Variants in RAD54B observed in about 807,000 individuals in gnomAD.
RAD54B encodes RAD54 homolog B, also known as DNA repair and recombination protein RAD54B.
A neutral mutation model predicts 95.8 loss-of-function variants in RAD54B; 78 were observed. The ratio of observed to expected loss-of-function variants is 0.81; its 90% confidence interval spans 0.68 to 0.98. The LOEUF (loss-of-function observed/expected upper bound fraction) is 0.98. RAD54B is among the 50% of genes least tolerant of loss of function. The probability of loss-of-function intolerance (pLI) is 0.00; values close to 1 mark genes in which losing one functional copy is unlikely to be tolerated. For synonymous variants in RAD54B, 328 were observed against 354.9 expected, an observed-to-expected ratio of 0.92 and a Z score of 0.85; for missense variants, 957 against 1,056.6, an observed-to-expected ratio of 0.91 and a Z score of 1.31.
At chr8:94,427,747 T>C (rs1220965577) in intron 3 of RAD54B, 2 of 977,684 alleles carry the variant, frequency 2.0e-6, no homozygotes, top group South Asian at 4.7e-5. Context: ...TAAAAGAACA[T>C]GTGTTAACAA....
At chr8:94,473,962 G>A (rs115370429) in intron 1 of RAD54B, among the ~76,000 whole-genome samples, 3,903 of 152,254 alleles carry the variant, frequency 0.026, 181 homozygotes, top group African/African-American at 0.088. Context: ...ACAACCGTCT[G>A]TGTTCATGAT....
Position 94,403,758 on chromosome 8 carries a change from G to A in RAD54B, c.944+319C>T, listed in dbSNP as rs1016734416. The stretch of plus-strand genomic sequence containing the variant: ...ATGACCCTTTACCACACTAGCAGTC[G>A]GTAAGCTTTTATTATACCACATTAA... On this transcript the variant is annotated intron_variant, in intron 6 of 14. Coordinates refer to ENST00000336148, the MANE Select transcript of RAD54B (RefSeq NM_012415.3). 3.3e-5 allele frequency among the ~76,000 whole-genome samples: 5 copies of A among 151,778 alleles called. No homozygotes were observed. In the East Asian group the frequency reaches 7.7e-4, roughly 23 times the overall value.
chr8:94,445,926 T>C (rs1397906074), intron 3 of RAD54B, among the ~76,000 whole-genome samples: 2 of 152,196 alleles, frequency 1.3e-5, no homozygotes, highest in African/African-American at 2.4e-5. Context: ...TTAATGTAGA[T>C]TGATGGATAA....
intron 11 of RAD54B, among the ~76,000 whole-genome samples, chr8:94,386,576 TTGTGTGTGTGTGTGTGTGCA>T (rs1367851473): frequency 2.2e-5 from 3 of 138,482 alleles, no homozygotes; most frequent in Non-Finnish European, 4.9e-5. Context: ...CATGGTATGG[TTGTGTGTGTGTGTGTGTGCA>T]TGTGTGTGTG....
At chr8:94,467,611 A>T in intron 1 of RAD54B, 56 bp from the exon 2 acceptor site, 1 of 1,488,890 alleles carries the variant, frequency 6.7e-7, no homozygotes, top group East Asian at 2.3e-5. Flanking sequence ...ATCACCCCCA[A>T]ATATAAAAAT....
chr8:94,439,529 A>G (rs1812345939), intron 3 of RAD54B, among the ~76,000 whole-genome samples: 1 of 152,212 alleles, frequency 6.6e-6, no homozygotes, highest in African/African-American at 2.4e-5. Context: ...GACCATGGCC[A>G]AAGACACAGC....
chr8:94,474,730 G>A (rs1185236950), intron 1 of RAD54B, among the ~76,000 whole-genome samples: 1 of 152,096 alleles, frequency 6.6e-6, no homozygotes, highest in Non-Finnish European at 1.5e-5. Context: ...GGCGGCCCCA[G>A]GGGCCACTGC....
At chr8:94,443,355 G>A (rs1261244122) in intron 3 of RAD54B, among the ~76,000 whole-genome samples, 1 of 152,132 alleles carries the variant, frequency 6.6e-6, no homozygotes, top group Non-Finnish European at 1.5e-5. Context: ...AATAACTAAT[G>A]AATGTTGGCT....
chr8:94,402,427 T>C (rs112959156), intron 6 of RAD54B, among the ~76,000 whole-genome samples: 4,443 of 152,114 alleles, frequency 0.029, 83 homozygotes, highest in Non-Finnish European at 0.043. Context: ...CTAATTTTTG[T>C]ATTTTTAGTA....
At chr8:94,431,999 T>C (rs1812109018) in intron 3 of RAD54B, 2 of 1,305,622 alleles carry the variant, frequency 1.5e-6, no homozygotes, top group Admixed American at 3.6e-5. Flanking sequence ...TAGAAAATTA[T>C]ATCTAAAAAG....
intron 13 of RAD54B, 69 bp from the exon 14 acceptor site, chr8:94,378,449 T>G: frequency 3.4e-6 from 5 of 1,472,426 alleles, no homozygotes; most frequent in Non-Finnish European, 4.7e-6. Context: ...GGTATAATGT[T>G]TAGTAACATA....
chr8:94,464,477 T>C (rs1563667001), intron 2 of RAD54B, among the ~76,000 whole-genome samples: 1 of 151,910 alleles, frequency 6.6e-6, no homozygotes, highest in Non-Finnish European at 1.5e-5. Context: ...AACTATAAGA[T>C]AATTCATTTG....
In RAD54B at chr8:94,391,861, A is replaced by G. The variant is rs770303544; in HGVS notation, c.1557T>C (p.Leu519=). ...KELGERRAAE[L]TCLTGLFILR... ...GGATAAAGAGTCCAGTGAGGCAAGTAAGTTCAGCTGCTCTTCTTTCTCCTA... is the reference window on the plus strand; with the variant it reads ...GGATAAAGAGTCCAGTGAGGCAAGTGAGTTCAGCTGCTCTTCTTTCTCCTA... Residue 519 remains leucine, a synonymous_variant, in exon 10 of 15, where the codon CTT becomes CTC. Coordinates refer to ENST00000336148, the MANE Select transcript of RAD54B (RefSeq NM_012415.3). 17 of 1,612,854 alleles carry G rather than the reference A, an allele frequency of 1.1e-5. No individual in the cohort carries two copies. The highest frequency in any genetic ancestry group is 1.4e-5 in the Non-Finnish European group (16 of 1,179,714).
At chr8:94,410,636 A>G (rs1811505553) in intron 4 of RAD54B, among the ~76,000 whole-genome samples, 1 of 152,158 alleles carries the variant, frequency 6.6e-6, no homozygotes, top group South Asian at 2.1e-4. Context: ...TAACAGAAAC[A>G]ATGGCAACCT....
At chr8:94,448,998 G>C (rs1812587494) in intron 3 of RAD54B, among the ~76,000 whole-genome samples, 1 of 151,604 alleles carries the variant, frequency 6.6e-6, no homozygotes, top group Non-Finnish European at 1.5e-5. Flanking sequence ...CCATTTTACT[G>C]TCTCTATATA....
chr8:94,424,708 T>C (rs1811900903), intron 3 of RAD54B, among the ~76,000 whole-genome samples: 1 of 152,148 alleles, frequency 6.6e-6, no homozygotes, highest in Non-Finnish European at 1.5e-5. Context: ...TGTAATGTGC[T>C]TGCCAAATCA....
Position 94,383,255 on chromosome 8 carries a change from A to G in RAD54B, c.1986-2849T>C, listed in dbSNP as rs534226588. On this transcript the variant is annotated intron_variant, in intron 11 of 14. Coordinates refer to ENST00000336148, the MANE Select transcript of RAD54B (RefSeq NM_012415.3). ...AGCTGAGATCACGCCACTGCACTCC[A>G]GCTTGGGCAACAGAGCAAGACTCCA... is the stretch of plus-strand genomic sequence containing the variant. 5.7e-4 allele frequency among the ~76,000 whole-genome samples: 76 copies of G among 134,504 alleles called. No individual in the cohort carries two copies. In the South Asian group the frequency reaches 0.018, roughly 32 times the overall value. The allele number at this position is 134,504 out of a possible 152,430, so 88.2% of individuals were successfully genotyped here.
At chr8:94,380,612 A>G (rs1810716651) in intron 11 of RAD54B, among the ~76,000 whole-genome samples, 1 of 152,206 alleles carries the variant, frequency 6.6e-6, no homozygotes, top group African/African-American at 2.4e-5. Context: ...TGCGGCAAAG[A>G]CCTTTCTGCC....
At chr8:94,385,547 G>GGA (rs1309173519) in intron 11 of RAD54B, among the ~76,000 whole-genome samples, 1 of 152,166 alleles carries the variant, frequency 6.6e-6, no homozygotes, top group Non-Finnish European at 1.5e-5. Context: ...GGAGTACAGA[G>GGA]GAGGGGAGTC....
Sources: allele counts gnomAD v4.1 joint callset (sites outside exome capture counted in the v4.1 genomes callset), GRCh38; gene constraint gnomAD v4.1.1; transcripts MANE v1.5; gene names NCBI Gene and HGNC (gene_info 2026-07-23, HGNC 2026-07-21).